Variants in ZNF45 observed in about 807,000 individuals in gnomAD.
ZNF45 encodes the protein BRC1744.
ZNF45 carries 4 observed loss-of-function variants against 12.0 expected under a neutral mutation model. That is an observed-to-expected ratio of 0.33 (90% confidence interval 0.16 to 0.76). The LOEUF (loss-of-function observed/expected upper bound fraction) is 0.76. Among genes scored for constraint, ZNF45 ranks in the 30% least tolerant of loss-of-function variants. The probability of loss-of-function intolerance (pLI) is 0.60; values close to 1 mark genes in which losing one functional copy is unlikely to be tolerated. For synonymous variants in ZNF45, 272 were observed against 279.6 expected (o/e 0.97, Z 0.27); for missense variants, 700 against 813.0 (o/e 0.86, Z 1.69).
intron 3 of ZNF45, among the ~76,000 whole-genome samples, chr19:43,929,323 C>T (rs2147163751): frequency 6.6e-6 from 1 of 152,360 alleles, no homozygotes; most frequent in South Asian, 2.1e-4. Context: ...GGGAAAGGAT[C>T]CCTGCCCGCC....
Position 43,923,486 on chromosome 19 carries a change from G to C in ZNF45, c.-33+752C>G, listed in dbSNP as rs114447371. On this transcript the variant is annotated intron_variant, in intron 6 of 9. Transcript: ENST00000269973. ...ATTAAGCTTTATCATAAGTATGTAGGTAAAGGAAAAACATAGTATATTTAG... is the reference window on the plus strand; with the variant it reads ...ATTAAGCTTTATCATAAGTATGTAGCTAAAGGAAAAACATAGTATATTTAG... Among the ~76,000 whole-genome samples the C allele has an allele frequency of 6.6e-3, 1,011 of 152,212 alleles. 5 individuals carry two copies. The highest frequency in any genetic ancestry group is 0.024 in the African/African-American group (980 of 41,520).
rs1599757561 is a variant in ZNF45, at chr19:43,913,445, T to G, written c.1991A>C (p.Asp664Ala). Residue 664 changes from aspartate (D) to alanine (A), a missense_variant, in exon 10 of 10, where the codon GAT (aspartate) becomes GCT (alanine). Asp to Ala is a moderately radical substitution (Grantham distance 126). Transcript: ENST00000269973. ...AGGAAAGTCCTTGTCACCCTCATCATCAGCATGGACTCGCTGATGAATGAT... is the reference window on the plus strand; with the variant it reads ...AGGAAAGTCCTTGTCACCCTCATCAGCAGCATGGACTCGCTGATGAATGAT... Reference protein sequence around the residue: ...SLIIHQRVHADDEGDKDFPSS... With the variant: ...SLIIHQRVHAADEGDKDFPSS... The G allele has an allele frequency of 2.5e-6, 4 of 1,594,280 alleles. No individual in the cohort carries two copies. Among genetic ancestry groups the G allele is most frequent in the Non-Finnish European group, 2.6e-6 (3 of 1,169,712 alleles).
chr19:43,914,203 A>C lies in ZNF45; in HGVS notation c.1233T>G (p.Thr411=). Residue 411 remains threonine, a synonymous_variant, in exon 10 of 10, where the codon ACT becomes ACG. Coordinates refer to ENST00000269973, the MANE Select transcript of ZNF45 (RefSeq NM_003425.4). The part of the protein sequence containing the change: ...SNLLDHQRGH[T]GEKPYQCDAC... ...CATCACACTGATACGGTTTCTCTCC[A>C]GTATGGCCTCTTTGATGGTCCAGCA... The C allele has an allele frequency of 6.2e-7, 1 of 1,606,174 alleles. No individual in the cohort carries two copies. Among genetic ancestry groups the C allele is most frequent in the Non-Finnish European group, 8.5e-7 (1 of 1,174,636 alleles).
At chr19:43,923,817 T>G (rs1397795339) in intron 6 of ZNF45, among the ~76,000 whole-genome samples, 1 of 152,080 alleles carries the variant, frequency 6.6e-6, no homozygotes, top group Non-Finnish European at 1.5e-5. Flanking sequence ...ATGGACTGGT[T>G]TCTAAAAGGT....
At chr19:43,927,555 T>C (rs1279561835) in intron 3 of ZNF45, among the ~76,000 whole-genome samples, 1 of 152,022 alleles carries the variant, frequency 6.6e-6, no homozygotes, top group African/African-American at 2.4e-5. Context: ...CCCCAATATA[T>C]AGCGAGAGAC....
In ZNF45 at chr19:43,913,913, G is replaced by C. The variant is rs1443532602; in HGVS notation, c.1523C>G (p.Ala508Gly). ...KPYKCERCGK[A>G]FSQFSSLQVH... ...CTGAAGGCTGGAGAACTGACTGAAGGCCTTACCACACCTCTCGCATTTATA... is the reference window on the plus strand; with the variant it reads ...CTGAAGGCTGGAGAACTGACTGAAGCCCTTACCACACCTCTCGCATTTATA... Residue 508 changes from alanine (A) to glycine (G), a missense_variant, in exon 10 of 10, where the codon GCC becomes GGC. Physicochemically the swap from Ala to Gly is moderately conservative, Grantham distance 60. Coordinates refer to ENST00000269973, the MANE Select transcript of ZNF45 (RefSeq NM_003425.4). 1 of 1,599,666 alleles carries C rather than the reference G, an allele frequency of 6.3e-7. No individual in the cohort carries two copies. Among genetic ancestry groups the C allele is most frequent in the South Asian group, 1.1e-5 (1 of 90,446 alleles).
In ZNF45 at chr19:43,913,784, G is replaced by A; in HGVS notation, c.1652C>T (p.Thr551Ile). The A allele has an allele frequency of 6.2e-7, 1 of 1,614,116 alleles. No individual in the cohort carries two copies. Among genetic ancestry groups the A allele is most frequent in the Non-Finnish European group, 8.5e-7 (1 of 1,180,006 alleles). ...SQLQAHQRCH[T>I]GEKPYQCEEC... is the part of the protein sequence containing the mutation. ...CTCACATTGATAGGGTTTCTCTCCA[G>A]TGTGGCACCTCTGATGGGCTTGAAG... The change falls in exon 10 of 10, where the codon ACT becomes ATT. Residue 551 changes from threonine to isoleucine, a missense_variant. Thr to Ile is a moderately conservative substitution (Grantham distance 89). Coordinates refer to ENST00000269973, the MANE Select transcript of ZNF45 (RefSeq NM_003425.4).
At chr19:43,928,640 C>T (rs562378464) in intron 3 of ZNF45, among the ~76,000 whole-genome samples, 1 of 152,336 alleles carries the variant, frequency 6.6e-6, no homozygotes, top group East Asian at 1.9e-4. Flanking sequence ...TATTTTCAGA[C>T]AGACTAACAC....
chr19:43,927,830 G>A (rs1418908844), intron 3 of ZNF45, among the ~76,000 whole-genome samples: 1 of 152,068 alleles, frequency 6.6e-6, no homozygotes, highest in Non-Finnish European at 1.5e-5. Context: ...ATAGCAGTCT[G>A]GATAAAGAAA....
chr19:43,916,244 T>C (rs535265258), intron 9 of ZNF45, among the ~76,000 whole-genome samples: 1 of 152,130 alleles, frequency 6.6e-6, no homozygotes, highest in Admixed American at 6.5e-5. Context: ...CCCCCCAAGC[T>C]GCTGGGACTA....
intron 9 of ZNF45, among the ~76,000 whole-genome samples, chr19:43,916,985 A>G (rs1024040745): frequency 2.0e-5 from 3 of 152,118 alleles, no homozygotes; most frequent in Non-Finnish European, 4.4e-5. Flanking sequence ...TTCAAGTAGG[A>G]GTCAATATTT....
Position 43,919,688 on chromosome 19 carries a change from T to C in ZNF45, c.27A>G (p.Thr9=), listed in dbSNP as rs2146889092. The stretch of plus-strand genomic sequence containing the variant: ...AGAAGACCACAGCCACGTCCTTGAA[T>C]GTCACTGCCTCCTACAACATCAAAC... MTKSKEAV[T]FKDVAVVFSE... is the part of the protein sequence containing the mutation. Residue 9 remains threonine (T), a synonymous_variant, in exon 8 of 10, where the codon ACA becomes ACG. Coordinates refer to ENST00000269973, the MANE Select transcript of ZNF45 (RefSeq NM_003425.4). 3 of 1,611,996 alleles carry C rather than the reference T, an allele frequency of 1.9e-6. No homozygotes were observed. Among genetic ancestry groups the C allele is most frequent in the Non-Finnish European group, 2.5e-6 (3 of 1,178,672 alleles).
rs147152152 is a variant in ZNF45, at chr19:43,920,889, A to C, written c.16-1190T>G. Among the ~76,000 whole-genome samples the C allele has an allele frequency of 3.9e-5, 6 of 152,260 alleles. No homozygotes were observed. The East Asian group carries it at 1.2e-3, about 29-fold the overall frequency. On this transcript the variant is annotated intron_variant, in intron 7 of 9. Transcript: ENST00000269973. ...ACTGCTGGGATTACAGGTGTGAGCC[A>C]CTGTGCTCGGCCAGCATTATCATAC...
rs543533719 is a variant in ZNF45, at chr19:43,922,076, G to A, written c.15+95C>T. Reference sequence around the variant, plus strand: ...CACAAGAGGTTCTCAAATGTCTACCGTTCTCCTTCATCTTCCTAACAAAGA... The same window carrying A: ...CACAAGAGGTTCTCAAATGTCTACCATTCTCCTTCATCTTCCTAACAAAGA... On this transcript the variant is annotated intron_variant, in intron 7 of 9. Coordinates refer to ENST00000269973, the MANE Select transcript of ZNF45 (RefSeq NM_003425.4). The A allele has an allele frequency of 1.3e-4, 177 of 1,334,716 alleles. 1 individual carries two copies. In the African/African-American group the frequency reaches 1.5e-3, roughly 12 times the overall value. 82.7% of individuals were successfully genotyped at this position (1,334,716 alleles called of 1,614,324 possible). A position where few individuals can be genotyped will look rare whatever the true frequency, so the allele number is the denominator to read the frequency against.
intron 8 of ZNF45, among the ~76,000 whole-genome samples, chr19:43,919,311 A>G (rs1469516144): frequency 6.6e-6 from 1 of 152,192 alleles, no homozygotes; most frequent in African/African-American, 2.4e-5. Context: ...AATTCATCAA[A>G]TGTATATCAG....
At chr19:43,923,689 T>G (rs1350024736) in intron 6 of ZNF45, among the ~76,000 whole-genome samples, 1 of 152,150 alleles carries the variant, frequency 6.6e-6, no homozygotes, top group Non-Finnish European at 1.5e-5. Context: ...ACATTTACAT[T>G]GTTGTGCAGC....
At chr19:43,922,353 C>A in intron 6 of ZNF45, 136 bp from the exon 7 acceptor site, 1 of 583,156 alleles carries the variant, frequency 1.7e-6, no homozygotes, top group South Asian at 2.6e-5. Context: ...CTTCCTCGGG[C>A]TGGCTTGATG....
intron 8 of ZNF45, 53 bp downstream of exon 8, chr19:43,919,520 A>G: frequency 6.3e-7 from 1 of 1,587,426 alleles, no homozygotes; most frequent in East Asian, 2.3e-5. Context: ...ATACCCAAGG[A>G]CAGAGAGACA....
intron 9 of ZNF45, among the ~76,000 whole-genome samples, chr19:43,917,012 T>C (rs1273271874): frequency 2.6e-5 from 4 of 152,194 alleles, no homozygotes; most frequent in Admixed American, 1.3e-4. Flanking sequence ...TCGGGAATAA[T>C]GTTTTCTCTG....
Sources: gnomAD v4.1 joint callset for allele counts (sites outside exome capture counted in the v4.1 genomes callset) on GRCh38, gnomAD v4.1.1 for gene constraint, MANE v1.5 for transcripts, NCBI Gene and HGNC (gene_info 2026-07-23, HGNC 2026-07-21) for gene names.